The following PATJ variants were observed in gnomAD, a reference collection of about 807,000 sequenced individuals.
PATJ encodes the protein inaD-like protein.
Under a neutral mutation model 224.9 loss-of-function variants are expected in PATJ, and 190 were observed. That is an observed-to-expected ratio of 0.84 (90% CI 0.75 to 0.95). The LOEUF is 0.95. PATJ is among the 40% of genes least tolerant of loss of function. The pLI is 0.00. For synonymous variants in PATJ, 769 were observed against 820.3 expected (o/e 0.94, Z 1.07); for missense variants, 2,121 against 2,270.3 (o/e 0.93, Z 1.34).
rs1192139487 is a variant in PATJ at position 61,765,066 on chromosome 1, A to T, written c.190-1213A>T. On this transcript the variant is annotated intron_variant, in intron 3 of 43. Coordinates refer to ENST00000642238, the MANE Select transcript of PATJ (RefSeq NM_001350145.3). ...TTTCTTTGAGGTTTTATTGACATTCATTTTTTTTTTTTTTTTTTTTTTTTT... is the reference window on the plus strand; with the variant it reads ...TTTCTTTGAGGTTTTATTGACATTCTTTTTTTTTTTTTTTTTTTTTTTTTT... 7.2e-3 allele frequency among the ~76,000 whole-genome samples: 173 copies of T among 24,020 alleles called. 1 individual carries two copies. In the Middle Eastern group the frequency reaches 0.21, roughly 30 times the overall value. 15.8% of individuals were successfully genotyped at this position (24,020 alleles called of 152,430 possible). A position where few individuals can be genotyped will look rare whatever the true frequency, so the allele number is the denominator to read the frequency against.
At chr1:61,895,022 C>T (rs968311689) in intron 22 of PATJ, among the ~76,000 whole-genome samples, 6 of 152,108 alleles carry the variant, frequency 3.9e-5, no homozygotes, top group Non-Finnish European at 8.8e-5. Flanking sequence ...GCATTTTGCC[C>T]CTGCCTTAGA....
At chr1:62,097,776 C>G (rs1661573437) in intron 33 of PATJ, among the ~76,000 whole-genome samples, 1 of 152,224 alleles carries the variant, frequency 6.6e-6, no homozygotes, top group South Asian at 2.1e-4. Flanking sequence ...AAAACAGAGT[C>G]TGACTCCAGC....
At chr1:61,987,442 G>T (rs78998364) in intron 27 of PATJ, among the ~76,000 whole-genome samples, 2,014 of 152,124 alleles carry the variant, frequency 0.013, 52 homozygotes, top group African/African-American at 0.045. Context: ...TGAGAGAGGT[G>T]TGTTAAAATT....
chr1:61,859,204 C>T (rs1664169770), intron 18 of PATJ, among the ~76,000 whole-genome samples: 1 of 152,018 alleles, frequency 6.6e-6, no homozygotes, highest in East Asian at 1.9e-4. Context: ...TTTAACAAAA[C>T]AAAACAAAAA....
At chr1:61,921,206 C>CAT (rs1301852282) in intron 26 of PATJ, among the ~76,000 whole-genome samples, 2 of 152,050 alleles carry the variant, frequency 1.3e-5, no homozygotes, top group Admixed American at 6.6e-5. Flanking sequence ...TAATTACAGA[C>CAT]ATATACATGG....
At chr1:61,832,866 A>G (rs974272841) in intron 16 of PATJ, among the ~76,000 whole-genome samples, 4 of 152,198 alleles carry the variant, frequency 2.6e-5, no homozygotes, top group African/African-American at 9.6e-5. Context: ...TGAAGCAGCC[A>G]TTCTTCTGCA....
intron 9 of PATJ, among the ~76,000 whole-genome samples, chr1:61,794,445 TACAA>T (rs1650607903): frequency 6.6e-6 from 1 of 152,106 alleles, no homozygotes; most frequent in Admixed American, 6.6e-5. Context: ...ACACCTGGCC[TACAA>T]ACAATGTTTT....
intron 29 of PATJ, among the ~76,000 whole-genome samples, chr1:62,026,462 T>TTGTGTGTGTG (rs200824830): frequency 0.013 from 1,603 of 123,520 alleles, 25 homozygotes; most frequent in African/African-American, 0.041. Context: ...TATTCAACAT[T>TTGTGTGTGTG]TGTGTGTGTG....
intron 33 of PATJ, among the ~76,000 whole-genome samples, chr1:62,104,311 C>G (rs1463914659): frequency 6.6e-6 from 1 of 152,192 alleles, no homozygotes; most frequent in Non-Finnish European, 1.5e-5. Context: ...ATTATTCCAT[C>G]TATTCACAAA....
rs982865252 is a variant in PATJ at position 61,935,683 on chromosome 1, C to T, written c.3670+7854C>T. ...GTGCATGCCTATGATCCTAGCTACTCAGGAGGCTGGGGCAGGAGGATCAGT... is the reference window on the plus strand; with the variant it reads ...GTGCATGCCTATGATCCTAGCTACTTAGGAGGCTGGGGCAGGAGGATCAGT... On this transcript the variant is annotated intron_variant, in intron 27 of 43. Transcript: ENST00000642238. Among the ~76,000 whole-genome samples, 3 of 151,912 alleles carry T rather than the reference C, an allele frequency of 2.0e-5. No homozygotes were observed. The East Asian group carries it at 5.8e-4, about 29-fold the overall frequency.
chr1:62,151,095 C>T (rs946320980), intron 42 of PATJ, among the ~76,000 whole-genome samples: 5 of 151,808 alleles, frequency 3.3e-5, no homozygotes, highest in Non-Finnish European at 5.9e-5. Flanking sequence ...GCCAAGATCA[C>T]GCCATTGCAC....
At chr1:61,940,680 C>T (rs1677682355) in intron 27 of PATJ, among the ~76,000 whole-genome samples, 1 of 148,666 alleles carries the variant, frequency 6.7e-6, no homozygotes, top group Non-Finnish European at 1.5e-5. Flanking sequence ...CATGCCATTG[C>T]ACTCCAGCCT....
chr1:61,806,429 C>G (rs563274176), intron 13 of PATJ, among the ~76,000 whole-genome samples: 34 of 152,050 alleles, frequency 2.2e-4, no homozygotes, highest in African/African-American at 7.7e-4. Flanking sequence ...ACCATCCTGG[C>G]TAACATGGTG....
intron 1 of PATJ, among the ~76,000 whole-genome samples, chr1:61,749,126 C>A (rs1339350709): frequency 1.3e-5 from 2 of 151,784 alleles, no homozygotes; most frequent in African/African-American, 2.4e-5. Flanking sequence ...CAGGTGCCCG[C>A]CACCACGCCC....
intron 31 of PATJ, among the ~76,000 whole-genome samples, chr1:62,070,909 A>G (rs1156532295): frequency 6.6e-6 from 1 of 152,182 alleles, no homozygotes; most frequent in Admixed American, 6.5e-5. Flanking sequence ...TTAAGGACAT[A>G]GGATGAGATT....
At chr1:61,992,963 A>G (rs1405274806) in intron 28 of PATJ, among the ~76,000 whole-genome samples, 1 of 152,170 alleles carries the variant, frequency 6.6e-6, no homozygotes, top group Admixed American at 6.5e-5. Context: ...TATCCCCCAC[A>G]TACCAAGCAA....
chr1:62,035,354 G>A (rs1297044722), intron 29 of PATJ, among the ~76,000 whole-genome samples: 1 of 152,204 alleles, frequency 6.6e-6, no homozygotes, highest in East Asian at 1.9e-4. Flanking sequence ...AATCCAAAAA[G>A]CATAGAGCTT....
chr1:61,749,711 CTG>C (rs1489762144), intron 1 of PATJ, among the ~76,000 whole-genome samples: 2 of 151,640 alleles, frequency 1.3e-5, no homozygotes, highest in African/African-American at 2.4e-5. Context: ...GGGTCTCACT[CTG>C]TTGCCCAGGC....
At chr1:61,753,612 C>T (rs1360846318) in intron 1 of PATJ, among the ~76,000 whole-genome samples, 2 of 151,684 alleles carry the variant, frequency 1.3e-5, no homozygotes, top group Non-Finnish European at 2.9e-5. Flanking sequence ...CGGGTTCAAG[C>T]GATTCTCCTG....
Sources: gnomAD v4.1 joint callset for allele counts (sites outside exome capture counted in the v4.1 genomes callset) on GRCh38, gnomAD v4.1.1 for gene constraint, MANE v1.5 for transcripts, NCBI Gene and HGNC (gene_info 2026-07-23, HGNC 2026-07-21) for gene names.